Variants in MAST2 observed in about 807,000 individuals in gnomAD.
MAST2 encodes microtubule associated serine/threonine kinase 2.
In MAST2, 70 loss-of-function variants were observed where a neutral mutation model predicts 147.4. The ratio of observed to expected loss-of-function variants is 0.47; its 90% CI spans 0.39 to 0.58. MAST2 has a LOEUF of 0.58. Among genes scored for constraint, MAST2 ranks in the 20% least tolerant of loss-of-function variants. MAST2 has a pLI of 0.00. For synonymous variants in MAST2, 869 were observed against 896.8 expected (o/e 0.97, Z 0.55); for missense variants, 2,080 against 2,302.3 (o/e 0.90, Z 1.98).
intron 4 of MAST2, among the ~76,000 whole-genome samples, chr1:45,924,809 T>C (rs2148667006): frequency 6.6e-6 from 1 of 152,182 alleles, no homozygotes; most frequent in South Asian, 2.1e-4. Context: ...ATGACTTGTG[T>C]CCTTACGAGA....
In MAST2 at chr1:45,916,064, C is replaced by T. The variant is rs566356271; in HGVS notation, c.500+33669C>T. Among the ~76,000 whole-genome samples the T allele has an allele frequency of 3.3e-5, 5 of 152,018 alleles. No individual in the cohort carries two copies. In the East Asian group the frequency reaches 7.7e-4, roughly 23 times the overall value. ...GTAATTTTAAATAGTTGTGTGCCCT[C>T]CTATTTTCTATCCTGTTACTACCCC... On this transcript the variant is annotated intron_variant, in intron 4 of 28. Coordinates refer to ENST00000361297, the MANE Select transcript of MAST2 (RefSeq NM_015112.3).
chr1:46,029,717 C>G (rs1280429652), intron 19 of MAST2, 114 bp from the exon 20 acceptor site: 2 of 1,429,682 alleles, frequency 1.4e-6, no homozygotes, highest in East Asian at 2.3e-5. Context: ...AGGGAAGATG[C>G]TTGAGCTGAT....
chr1:46,034,572 C>A lies in MAST2; in HGVS notation c.3903C>A (p.Ser1301Arg). 2 of 1,613,934 alleles carry A rather than the reference C, an allele frequency of 1.2e-6. No individual in the cohort carries two copies. Among genetic ancestry groups the A allele is most frequent in the Non-Finnish European group, 1.7e-6 (2 of 1,179,938 alleles). ...GGNSSQSSSP[S>R]SSVPSSPAGS... ...ATTCATCACAGAGCAGCTCCCCCAG[C>A]TCCAGCGTGCCCAGTTCCCCAGCCG... Residue 1301 changes from serine to arginine, a missense_variant, in exon 29 of 29, where the codon AGC becomes AGA. This residue lies in a region of MAST2 where 1,278 missense variants were observed against 1,304.2 expected (regional missense o/e 0.98). Transcript: ENST00000361297.
intron 3 of MAST2, among the ~76,000 whole-genome samples, chr1:45,834,328 T>C (rs927267668): frequency 3.3e-5 from 5 of 152,096 alleles, no homozygotes; most frequent in African/African-American, 1.2e-4. Flanking sequence ...TTGACCAGAG[T>C]CTGGAGAATA....
chr1:46,007,038 C>T (rs1403739889), intron 8 of MAST2, among the ~76,000 whole-genome samples: 1 of 152,212 alleles, frequency 6.6e-6, no homozygotes, highest in Admixed American at 6.5e-5. Context: ...ACATCTTCAT[C>T]AAACCAAACT....
intron 5 of MAST2, among the ~76,000 whole-genome samples, chr1:45,994,339 G>C (rs1425408808): frequency 2.9e-5 from 4 of 139,874 alleles, no homozygotes; most frequent in African/African-American, 1.1e-4. Context: ...AGGCTGGAGT[G>C]CAGTGGCATG....
chr1:45,838,616 GGAATCTTCGTA>G (rs1401842086), intron 3 of MAST2, among the ~76,000 whole-genome samples: 5 of 151,860 alleles, frequency 3.3e-5, no homozygotes, highest in Admixed American at 3.3e-4. Flanking sequence ...TTGAGTTTCA[GGAATCTTCGTA>G]TATTCTGAAT....
intron 3 of MAST2, among the ~76,000 whole-genome samples, chr1:45,859,696 GATAA>G (rs1645913238): frequency 6.6e-6 from 1 of 152,178 alleles, no homozygotes; most frequent in Non-Finnish European, 1.5e-5. Context: ...TTCACTTACT[GATAA>G]ATAAAAGGAT....
chr1:45,954,720 G>C (rs546988498), intron 4 of MAST2, among the ~76,000 whole-genome samples: 3 of 152,292 alleles, frequency 2.0e-5, no homozygotes, highest in Non-Finnish European at 2.9e-5. Flanking sequence ...CTGAGTCATG[G>C]TATCTGTAGC....
chr1:45,867,203 T>G (rs1646191450), intron 3 of MAST2, among the ~76,000 whole-genome samples: 2 of 152,228 alleles, frequency 1.3e-5, no homozygotes, highest in Admixed American at 6.5e-5. Context: ...AAGGTAAGTT[T>G]TATTAATAGA....
chr1:45,892,650 T>A (rs1348927704), intron 4 of MAST2, among the ~76,000 whole-genome samples: 1 of 152,186 alleles, frequency 6.6e-6, no homozygotes, highest in Non-Finnish European at 1.5e-5. Flanking sequence ...GCCGCAGTCC[T>A]TTTCCGTGGA....
chr1:45,888,959 A>T (rs1647250826), intron 4 of MAST2, among the ~76,000 whole-genome samples: 1 of 151,898 alleles, frequency 6.6e-6, no homozygotes, highest in Non-Finnish European at 1.5e-5. Flanking sequence ...TACAGGCCTG[A>T]GCCACTGTGC....
chr1:45,971,714 T>C (rs998377900), intron 5 of MAST2, among the ~76,000 whole-genome samples: 21 of 152,228 alleles, frequency 1.4e-4, no homozygotes, highest in Non-Finnish European at 1.9e-4. Flanking sequence ...TGGCATTAAA[T>C]TGATAACCAG....
At chr1:45,876,409 A>C (rs765960494) in intron 3 of MAST2, among the ~76,000 whole-genome samples, 1 of 152,208 alleles carries the variant, frequency 6.6e-6, no homozygotes, top group Non-Finnish European at 1.5e-5. Flanking sequence ...GAATGTGTTC[A>C]GAATGCTAAT....
rs59944185 is a variant in MAST2 at position 45,883,912 on chromosome 1, G to GCCTCCCCCCCCCCCCCCCCC, written c.500+1519_500+1520insTCCCCCCCCCCCCCCCCCCC. Among the ~76,000 whole-genome samples the GCCTCCCCCCCCCCCCCCCCC allele has an allele frequency of 8.4e-3, 21 of 2,506 alleles. 9 individuals are homozygous for GCCTCCCCCCCCCCCCCCCCC. Among genetic ancestry groups the GCCTCCCCCCCCCCCCCCCCC allele is most frequent in the Non-Finnish European group, 0.014 (14 of 1,004 alleles). 1.6% of individuals were successfully genotyped at this position (2,506 alleles called of 152,430 possible). ...ACTTGGTCATTTTTCTACTATTTCT[G>GCCTCCCCCCCCCCCCCCCCC]CCCCCCCCGCTTTTTTTTGGTTGCT... On this transcript the variant is annotated intron_variant, in intron 4 of 28. Coordinates refer to ENST00000361297, the MANE Select transcript of MAST2 (RefSeq NM_015112.3).
intron 4 of MAST2, among the ~76,000 whole-genome samples, chr1:45,936,355 C>T (rs1199712816): frequency 2.0e-5 from 3 of 152,056 alleles, no homozygotes; most frequent in Non-Finnish European, 4.4e-5. Context: ...GAGAGTTTGC[C>T]TTTTGTTTCT....
At chr1:45,986,332 A>C (rs1184294598) in intron 5 of MAST2, among the ~76,000 whole-genome samples, 1 of 152,110 alleles carries the variant, frequency 6.6e-6, no homozygotes, top group Non-Finnish European at 1.5e-5. Context: ...ACTTATATTG[A>C]TTGATTTTCA....
At chr1:45,863,451 TTAGCTC>T (rs1220752039) in intron 3 of MAST2, among the ~76,000 whole-genome samples, 1 of 152,218 alleles carries the variant, frequency 6.6e-6, no homozygotes, top group African/African-American at 2.4e-5. Context: ...TGTGGATTTA[TTAGCTC>T]TCACAATGAA....
intron 1 of MAST2, among the ~76,000 whole-genome samples, chr1:45,810,040 A>T (rs1644245956): frequency 6.6e-6 from 1 of 152,204 alleles, no homozygotes; most frequent in South Asian, 2.1e-4. Context: ...TTTAAGTTGC[A>T]TGTTATTGAA....
Sources: allele counts gnomAD v4.1 joint callset (sites outside exome capture counted in the v4.1 genomes callset), GRCh38; gene constraint gnomAD v4.1.1; regional missense constraint gnomAD v4.1.1; transcripts MANE v1.5; gene names NCBI Gene and HGNC (gene_info 2026-07-23, HGNC 2026-07-21).